The following MOB1B variants were observed in gnomAD, a reference collection of about 807,000 sequenced individuals.
The protein encoded by MOB1B is MOB kinase activator 1B.
In MOB1B, 19 loss-of-function variants were observed where a neutral mutation model predicts 24.4. The ratio of observed to expected loss-of-function variants is 0.78; its 90% CI spans 0.54 to 1.14. MOB1B has a LOEUF of 1.14. Among genes scored for constraint, MOB1B ranks in the 50% most tolerant of loss-of-function variants. MOB1B has a pLI of 0.00. For synonymous variants in MOB1B, 76 were observed against 82.1 expected (o/e 0.93, Z 0.40); for missense variants, 243 against 259.6 (o/e 0.94, Z 0.44).
chr4:70,953,625 T>C (rs1430772979), intron 1 of MOB1B, among the ~76,000 whole-genome samples: 1 of 152,104 alleles, frequency 6.6e-6, no homozygotes, highest in African/African-American at 2.4e-5. Flanking sequence ...AGATGATAAT[T>C]TGTGGTTTCT....
intron 2 of MOB1B, among the ~76,000 whole-genome samples, chr4:70,960,466 A>G (rs183211326): frequency 8.9e-4 from 136 of 152,352 alleles, no homozygotes; most frequent in African/African-American, 3.2e-3. Flanking sequence ...CTAGGCTTTA[A>G]GGAAATGCAA....
At chr4:70,977,695 T>A (rs1301846690) in intron 4 of MOB1B, among the ~76,000 whole-genome samples, 4 of 152,046 alleles carry the variant, frequency 2.6e-5, no homozygotes, top group African/African-American at 4.8e-5. Flanking sequence ...ATTCTTCTTT[T>A]AAATTTTTTT....
At chr4:70,927,739 A>G (rs1327996482) in intron 1 of MOB1B, among the ~76,000 whole-genome samples, 1 of 152,054 alleles carries the variant, frequency 6.6e-6, no homozygotes, top group East Asian at 1.9e-4. Context: ...TTGGTTTTTA[A>G]CATGGAGGGG....
chr4:70,902,427 C>G lies in MOB1B; in HGVS notation c.-110C>G. 8.1e-7 allele frequency: 1 copy of G among 1,234,058 alleles called. No individual in the cohort carries two copies. The highest frequency in any genetic ancestry group is 2.5e-5 in the East Asian group (1 of 39,296). The allele number at this position is 1,234,058 out of a possible 1,614,324, so 76.4% of individuals were successfully genotyped here. A position where few individuals can be genotyped will look rare whatever the true frequency, so the allele number is the denominator to read the frequency against. On this transcript the variant is annotated 5_prime_UTR_variant, in exon 1 of 6. Transcript: ENST00000309395. ...ACCGAGCAGCCGGCTCTCGGCACCT[C>G]CTCCTCCGCCTCCCTGTCTCCTGTT...
intron 1 of MOB1B, among the ~76,000 whole-genome samples, chr4:70,908,355 A>C (rs1302112210): frequency 6.7e-6 from 1 of 149,906 alleles, no homozygotes; most frequent in Non-Finnish European, 1.5e-5. Context: ...TTAAATGTCA[A>C]CAATGAAAGC....
intron 4 of MOB1B, chr4:70,975,819 C>T (rs777411873): frequency 9.3e-5 from 85 of 917,242 alleles, no homozygotes; most frequent in Non-Finnish European, 1.1e-4. Flanking sequence ...TATGCACTTA[C>T]AGGTGTTCTA....
intron 2 of MOB1B, among the ~76,000 whole-genome samples, chr4:70,966,931 G>A (rs868039232): frequency 2.6e-5 from 4 of 151,772 alleles, no homozygotes; most frequent in Non-Finnish European, 4.4e-5. Context: ...AAAAAAAATC[G>A]TATCACAACA....
At chr4:70,912,751 C>T (rs1736044254) in intron 1 of MOB1B, among the ~76,000 whole-genome samples, 1 of 152,146 alleles carries the variant, frequency 6.6e-6, no homozygotes, top group African/African-American at 2.4e-5. Flanking sequence ...CCACTTATGT[C>T]TGTAGTGTTT....
intron 1 of MOB1B, among the ~76,000 whole-genome samples, chr4:70,935,150 T>A (rs1003049747): frequency 6.6e-6 from 1 of 151,848 alleles, no homozygotes; most frequent in Admixed American, 6.6e-5. Context: ...ATATAAGGAG[T>A]TTAAAATTGT....
intron 1 of MOB1B, among the ~76,000 whole-genome samples, chr4:70,916,943 T>C (rs1178700898): frequency 6.6e-6 from 1 of 152,228 alleles, no homozygotes; most frequent in Non-Finnish European, 1.5e-5. Context: ...GTTCACATAC[T>C]TCTCTGTTCA....
chr4:70,944,822 A>G (rs1431894865), intron 1 of MOB1B, among the ~76,000 whole-genome samples: 3 of 152,134 alleles, frequency 2.0e-5, no homozygotes, highest in Non-Finnish European at 4.4e-5. Flanking sequence ...TTAAATGACC[A>G]GATCTCGAGA....
chr4:70,902,412 C>A lies in MOB1B; in HGVS notation c.-125C>A. 1 of 1,047,500 alleles carries A rather than the reference C, an allele frequency of 9.5e-7. No homozygotes were observed. Among genetic ancestry groups the A allele is most frequent in the Non-Finnish European group, 1.4e-6 (1 of 690,930 alleles). The allele number at this position is 1,047,500 out of a possible 1,614,324, so 64.9% of individuals were successfully genotyped here. On this transcript the variant is annotated 5_prime_UTR_variant, in exon 1 of 6. Transcript: ENST00000309395. ...GAACTAGTTGCGGCCACCGAGCAGC[C>A]GGCTCTCGGCACCTCCTCCTCCGCC...
intron 1 of MOB1B, among the ~76,000 whole-genome samples, chr4:70,931,714 T>C (rs1367329951): frequency 6.6e-6 from 1 of 152,176 alleles, no homozygotes; most frequent in Non-Finnish European, 1.5e-5. Flanking sequence ...TGTCTTATTT[T>C]AGTTGAATTT....
At chr4:70,925,779 A>G (rs868529288) in intron 1 of MOB1B, among the ~76,000 whole-genome samples, 1 of 152,226 alleles carries the variant, frequency 6.6e-6, no homozygotes, top group East Asian at 1.9e-4. Flanking sequence ...TGGATTCAAT[A>G]TAACACCAGT....
intron 2 of MOB1B, among the ~76,000 whole-genome samples, chr4:70,964,224 A>G (rs1738425996): frequency 6.6e-6 from 1 of 152,208 alleles, no homozygotes; most frequent in Admixed American, 6.5e-5. Context: ...TGCAGAAGAA[A>G]AAATTGGTAA....
At chr4:70,907,390 T>G (rs533946502) in intron 1 of MOB1B, among the ~76,000 whole-genome samples, 1 of 152,302 alleles carries the variant, frequency 6.6e-6, no homozygotes, top group African/African-American at 2.4e-5. Flanking sequence ...TCTAGCATTT[T>G]TAAATTATGG....
intron 1 of MOB1B, among the ~76,000 whole-genome samples, chr4:70,939,230 T>G (rs1737227392): frequency 6.6e-6 from 1 of 152,224 alleles, no homozygotes; most frequent in Admixed American, 6.5e-5. Context: ...GATGTTGGGC[T>G]GAAAACATAC....
At chr4:70,971,170 CT>C (rs1423643911) in intron 3 of MOB1B, among the ~76,000 whole-genome samples, 1 of 152,160 alleles carries the variant, frequency 6.6e-6, no homozygotes, top group Non-Finnish European at 1.5e-5. Context: ...CCCACCTCGC[CT>C]TTTTGAAAAG....
intron 1 of MOB1B, among the ~76,000 whole-genome samples, chr4:70,907,339 A>G (rs992840072): frequency 6.6e-6 from 1 of 152,166 alleles, no homozygotes; most frequent in Admixed American, 6.6e-5. Flanking sequence ...AGTGAGTTCT[A>G]AGTAATCATT....
Sources: gnomAD v4.1 joint callset for allele counts (sites outside exome capture counted in the v4.1 genomes callset) on GRCh38, gnomAD v4.1.1 for gene constraint, MANE v1.5 for transcripts, NCBI Gene and HGNC (gene_info 2026-07-23, HGNC 2026-07-21) for gene names.